SNX7: variants seen among roughly 807,000 people sequenced by gnomAD.
SNX7 encodes the protein sorting nexin 7.
In SNX7, 35 loss-of-function variants were observed where a neutral mutation model predicts 48.4. The observed-to-expected ratio is 0.72, with a 90% CI of 0.55 to 0.96. The LOEUF (loss-of-function observed/expected upper bound fraction) is 0.96, where lower values mean the gene tolerates loss of function less well. Ranked by LOEUF, SNX7 falls within the 40% of genes least tolerant of loss-of-function variation. SNX7 has a pLI of 0.00. For missense variants in SNX7, 553 were observed against 548.9 expected, an observed-to-expected ratio of 1.01 and a Z score of -0.07; for synonymous variants, 190 against 190.2, an observed-to-expected ratio of 1.00 and a Z score of 0.01.
At chr1:98,718,168 A>T (rs941000807) in intron 7 of SNX7, among the ~76,000 whole-genome samples, 5 of 152,138 alleles carry the variant, frequency 3.3e-5, no homozygotes, top group African/African-American at 1.2e-4. Context: ...TCACCAAAAA[A>T]CATAGTTTTT....
intron 8 of SNX7, among the ~76,000 whole-genome samples, chr1:98,747,622 T>C (rs1654367290): frequency 6.6e-6 from 1 of 152,194 alleles, no homozygotes; most frequent in Non-Finnish European, 1.5e-5. Flanking sequence ...CTTCTGGTTT[T>C]TACAAGTCTG....
chr1:98,748,637 A>AACAC (rs58973289), intron 8 of SNX7, among the ~76,000 whole-genome samples: 25,446 of 145,716 alleles, frequency 0.17, 2,219 homozygotes, highest in African/African-American at 0.21. Context: ...AAATGATTTA[A>AACAC]ACACACACAC....
At chr1:98,683,069 G>A (rs764913800) in intron 1 of SNX7, among the ~76,000 whole-genome samples, 76 of 152,182 alleles carry the variant, frequency 5.0e-4, no homozygotes, top group Non-Finnish European at 9.7e-4. Context: ...TTTTTAAAAA[G>A]AGCATGCTTT....
intron 8 of SNX7, among the ~76,000 whole-genome samples, chr1:98,754,753 G>T (rs1280421900): frequency 6.6e-6 from 1 of 151,454 alleles, no homozygotes; most frequent in African/African-American, 2.4e-5. Context: ...TTTTCTCAAG[G>T]ATCTAACATC....
intron 8 of SNX7, among the ~76,000 whole-genome samples, chr1:98,756,558 T>C (rs1654867544): frequency 6.6e-6 from 1 of 151,424 alleles, no homozygotes; most frequent in Non-Finnish European, 1.5e-5. Context: ...ATGAGAATGC[T>C]GGATACTGTT....
intron 1 of SNX7, among the ~76,000 whole-genome samples, chr1:98,674,303 A>G (rs1650036722): frequency 6.6e-6 from 1 of 152,120 alleles, no homozygotes; most frequent in African/African-American, 2.4e-5. Context: ...AAATGTATTG[A>G]CTCACGGTTC....
At chr1:98,743,209 CAG>C (rs987561037) in intron 8 of SNX7, among the ~76,000 whole-genome samples, 3 of 151,840 alleles carry the variant, frequency 2.0e-5, no homozygotes, top group African/African-American at 7.3e-5. Flanking sequence ...CTAATAAACA[CAG>C]GGGTGGCGTG....
intron 1 of SNX7, among the ~76,000 whole-genome samples, chr1:98,678,555 A>G (rs1274401348): frequency 6.6e-6 from 1 of 152,244 alleles, no homozygotes; most frequent in Non-Finnish European, 1.5e-5. Flanking sequence ...GTCTCATTCC[A>G]GAGCTTGGGC....
chr1:98,673,810 A>T (rs189889695), intron 1 of SNX7, among the ~76,000 whole-genome samples: 2 of 152,258 alleles, frequency 1.3e-5, no homozygotes, highest in Admixed American at 1.3e-4. Context: ...TTATACTTCC[A>T]TCAGATTGTG....
At chr1:98,711,278 A>G (rs533686181) in intron 7 of SNX7, among the ~76,000 whole-genome samples, 1 of 152,184 alleles carries the variant, frequency 6.6e-6, no homozygotes, top group Non-Finnish European at 1.5e-5. Context: ...TTGACCTCCC[A>G]AAGTGCTGGG....
intron 2 of SNX7, among the ~76,000 whole-genome samples, chr1:98,690,622 A>AT (rs1470799295): frequency 4.6e-5 from 7 of 152,084 alleles, no homozygotes; most frequent in Non-Finnish European, 1.0e-4. Context: ...CCAAGAAAAC[A>AT]TTTTTCTCAG....
intron 7 of SNX7, among the ~76,000 whole-genome samples, chr1:98,732,123 G>A (rs750297947): frequency 2.0e-5 from 3 of 152,114 alleles, no homozygotes; most frequent in African/African-American, 4.8e-5. Flanking sequence ...TTTGGAGACC[G>A]TCTGCTGTGT....
intron 1 of SNX7, among the ~76,000 whole-genome samples, chr1:98,674,255 G>C (rs1296324344): frequency 1.3e-5 from 2 of 152,204 alleles, no homozygotes; most frequent in South Asian, 2.1e-4. Context: ...CAGGGCTGCT[G>C]TAACAAAGTA....
intron 7 of SNX7, among the ~76,000 whole-genome samples, chr1:98,723,527 T>G (rs545278209): frequency 6.6e-6 from 1 of 152,164 alleles, no homozygotes; most frequent in African/African-American, 2.4e-5. Context: ...TTTAATGATT[T>G]AAGTTATTTT....
At chr1:98,677,505 A>G (rs1650227941) in intron 1 of SNX7, among the ~76,000 whole-genome samples, 1 of 152,218 alleles carries the variant, frequency 6.6e-6, no homozygotes, top group Non-Finnish European at 1.5e-5. Context: ...AATAGGAGCC[A>G]GGTTTCTCAC....
chr1:98,679,164 G>A (rs1198136350), intron 1 of SNX7, among the ~76,000 whole-genome samples: 1 of 152,178 alleles, frequency 6.6e-6, no homozygotes, highest in African/African-American at 2.4e-5. Flanking sequence ...GAAAGGCAAG[G>A]AGGAGCAAGT....
Position 98,663,252 on chromosome 1 carries a change from GGTTTTTTTTTTTTTTTTT to G in SNX7, c.180+1342_180+1359del, listed in dbSNP as rs1455492103. 4.2e-4 allele frequency among the ~76,000 whole-genome samples: 35 copies of G among 83,158 alleles called. 1 individual carries two copies. Among genetic ancestry groups the G allele is most frequent in the African/African-American group, 9.3e-4 (17 of 18,292 alleles). The allele number at this position is 83,158 out of a possible 152,430, so 54.6% of individuals were successfully genotyped here. On this transcript the variant is annotated intron_variant, in intron 1 of 8. Coordinates refer to ENST00000306121, the MANE Select transcript of SNX7 (RefSeq NM_015976.5). ...ATCAGAATCATCAGGGTTTCTTTCTGGTTTTTTTTTTTTTTTTTTTTTTTTTTTTTTTTTTTTTTTGTC... is the reference window on the plus strand; with the variant it reads ...ATCAGAATCATCAGGGTTTCTTTCTGTTTTTTTTTTTTTTTTTTTTTTGTC...
At chr1:98,691,931 ACACACACTCT>A (rs1279255475) in intron 4 of SNX7, among the ~76,000 whole-genome samples, 2 of 116,568 alleles carry the variant, frequency 1.7e-5, no homozygotes, top group African/African-American at 7.0e-5. Context: ...ACACACACAC[ACACACACTCT>A]CTCTCTCTCT....
chr1:98,732,210 A>G (rs1280648608), intron 7 of SNX7, among the ~76,000 whole-genome samples: 1 of 152,136 alleles, frequency 6.6e-6, no homozygotes, highest in Admixed American at 6.6e-5. Context: ...GTGTAGCCCA[A>G]AAAGTATCTG....
Sources: gnomAD v4.1 joint callset for allele counts (sites outside exome capture counted in the v4.1 genomes callset) on GRCh38, gnomAD v4.1.1 for gene constraint, MANE v1.5 for transcripts, NCBI Gene and HGNC (gene_info 2026-07-23, HGNC 2026-07-21) for gene names.